The following DLG2 variants were observed in gnomAD, a reference collection of about 807,000 sequenced individuals.
The protein encoded by DLG2 is disks large homolog 2.
Under a neutral mutation model 132.5 loss-of-function variants are expected in DLG2, and 45 were observed. That is an observed-to-expected ratio of 0.34 (90% CI 0.27 to 0.44). The LOEUF (loss-of-function observed/expected upper bound fraction) is 0.44, where lower values mean the gene tolerates loss of function less well. Among genes scored for constraint, DLG2 ranks in the 20% least tolerant of loss-of-function variants. DLG2 has a pLI of 1.00. For missense variants in DLG2, 1,045 were observed against 1,196.9 expected (o/e 0.87, Z 1.87); for synonymous variants, 424 against 419.6 (o/e 1.01, Z -0.13).
chr11:83,691,621 C>T (rs749060668), intron 18 of DLG2, among the ~76,000 whole-genome samples: 5 of 152,290 alleles, frequency 3.3e-5, no homozygotes, highest in Admixed American at 6.5e-5. Flanking sequence ...CTTACACTGG[C>T]TCAGCTGGTT....
intron 6 of DLG2, among the ~76,000 whole-genome samples, chr11:84,774,150 C>A (rs1242081313): frequency 1.3e-5 from 2 of 151,918 alleles, no homozygotes; most frequent in Non-Finnish European, 1.5e-5. Context: ...AAAGTTCAAG[C>A]TGAGAACCAA....
At chr11:84,131,640 G>C (rs764324056) in intron 9 of DLG2, among the ~76,000 whole-genome samples, 97 of 151,982 alleles carry the variant, frequency 6.4e-4, no homozygotes, top group Admixed American at 1.5e-3. Flanking sequence ...GGGAGATGCA[G>C]ATGGAAAGGT....
At chr11:84,996,227 T>G (rs1207160139) in intron 6 of DLG2, among the ~76,000 whole-genome samples, 2 of 152,160 alleles carry the variant, frequency 1.3e-5, no homozygotes, top group Non-Finnish European at 2.9e-5. Context: ...ATTTGTACTT[T>G]TTAATCCAAA....
chr11:83,662,646 T>C (rs983917952), intron 18 of DLG2, among the ~76,000 whole-genome samples: 6 of 152,212 alleles, frequency 3.9e-5, no homozygotes, highest in Non-Finnish European at 8.8e-5. Context: ...TCCTGGCACA[T>C]AGGAGGTGCC....
At chr11:85,595,258 T>C (rs1389359302) in intron 3 of DLG2, among the ~76,000 whole-genome samples, 1 of 152,118 alleles carries the variant, frequency 6.6e-6, no homozygotes, top group Non-Finnish European at 1.5e-5. Flanking sequence ...GTGCAGCTTC[T>C]AGTATATTGC....
intron 6 of DLG2, among the ~76,000 whole-genome samples, chr11:85,082,295 T>A (rs758166094): frequency 5.9e-5 from 9 of 152,100 alleles, no homozygotes; most frequent in Non-Finnish European, 1.2e-4. Context: ...CTTCAGGCAA[T>A]AACAACAGAC....
At chr11:84,663,419 G>C (rs1350321292) in intron 6 of DLG2, among the ~76,000 whole-genome samples, 1 of 151,916 alleles carries the variant, frequency 6.6e-6, no homozygotes, top group African/African-American at 2.4e-5. Flanking sequence ...AAACAAATTA[G>C]AATCTATTCT....
At chr11:84,410,474 G>A (rs575775493) in intron 7 of DLG2, among the ~76,000 whole-genome samples, 1 of 151,592 alleles carries the variant, frequency 6.6e-6, no homozygotes, top group Admixed American at 6.6e-5. Context: ...AATTTAGACA[G>A]CTTCTTTGGT....
intron 22 of DLG2, chr11:83,483,391 A>G: frequency 1.1e-6 from 1 of 937,702 alleles, no homozygotes. Context: ...GAATACTACC[A>G]TGACAGACCG....
chr11:84,555,005 G>A (rs1192866037), intron 6 of DLG2, among the ~76,000 whole-genome samples: 1 of 152,106 alleles, frequency 6.6e-6, no homozygotes, highest in Non-Finnish European at 1.5e-5. Context: ...ACGGCTTTCT[G>A]AAGAGGGGTG....
chr11:83,469,002 C>G (rs1434377601), intron 25 of DLG2, among the ~76,000 whole-genome samples, 199 bp downstream of exon 25: 2 of 151,914 alleles, frequency 1.3e-5, no homozygotes, highest in African/African-American at 4.8e-5. Flanking sequence ...TTTTCCAAGT[C>G]AGTGAGAATA....
chr11:84,539,269 C>T (rs923559293), intron 6 of DLG2, among the ~76,000 whole-genome samples: 1 of 152,192 alleles, frequency 6.6e-6, no homozygotes, highest in African/African-American at 2.4e-5. Flanking sequence ...AGAGAAAGAG[C>T]ACTTAGTCTT....
At chr11:85,622,478 G>A (rs983384486) in intron 2 of DLG2, among the ~76,000 whole-genome samples, 6 of 151,812 alleles carry the variant, frequency 4.0e-5, no homozygotes, top group African/African-American at 1.5e-4. Context: ...GATGAAAACA[G>A]AGTATACCCG....
chr11:85,334,416 C>T (rs967283850), intron 3 of DLG2, among the ~76,000 whole-genome samples: 1 of 151,948 alleles, frequency 6.6e-6, no homozygotes, highest in Non-Finnish European at 1.5e-5. Flanking sequence ...TATAAATTTT[C>T]ATGTCTCAAT....
chr11:85,342,252 T>C (rs1240433442), intron 3 of DLG2, among the ~76,000 whole-genome samples: 1 of 152,228 alleles, frequency 6.6e-6, no homozygotes, highest in Non-Finnish European at 1.5e-5. Flanking sequence ...CATTGTACAG[T>C]GGAACACCAT....
At chr11:84,043,813 A>T (rs1015327955) in intron 11 of DLG2, among the ~76,000 whole-genome samples, 1 of 151,566 alleles carries the variant, frequency 6.6e-6, no homozygotes, top group African/African-American at 2.4e-5. Context: ...TAAGTTCTGT[A>T]ATGGTATTAT....
At chr11:84,246,979 A>G (rs1013909475) in intron 8 of DLG2, among the ~76,000 whole-genome samples, 35 of 152,214 alleles carry the variant, frequency 2.3e-4, no homozygotes, top group African/African-American at 7.5e-4. Context: ...TAGAAAATCC[A>G]TATCTTTAAA....
chr11:83,528,892 G>T (rs1367278733), intron 21 of DLG2, among the ~76,000 whole-genome samples: 1 of 152,084 alleles, frequency 6.6e-6, no homozygotes, highest in African/African-American at 2.4e-5. Flanking sequence ...GAAGAGTTCT[G>T]GAAAAGTAAC....
intron 27 of DLG2, among the ~76,000 whole-genome samples, chr11:83,461,082 C>A (rs2089890719): frequency 6.8e-6 from 1 of 146,666 alleles, no homozygotes. Context: ...GATCTCGGCT[C>A]ACTGCGACCT....
Sources: gnomAD v4.1 joint callset for allele counts (sites outside exome capture counted in the v4.1 genomes callset) on GRCh38, gnomAD v4.1.1 for gene constraint, MANE v1.5 for transcripts, NCBI Gene and HGNC (gene_info 2026-07-23, HGNC 2026-07-21) for gene names.